Variants in FERMT2 observed in about 807,000 individuals in gnomAD.
FERMT2 encodes the protein FERM domain containing kindlin 2.
A neutral mutation model predicts 82.7 loss-of-function variants in FERMT2; 15 were observed. The ratio of observed to expected loss-of-function variants is 0.18; its 90% CI spans 0.12 to 0.28. The LOEUF is 0.28. FERMT2 is among the 10% of genes least tolerant of loss of function. The pLI is 1.00. For missense variants in FERMT2, 645 were observed against 809.4 expected, an observed-to-expected ratio of 0.80 and a Z score of 2.46; for synonymous variants, 274 against 271.5, an observed-to-expected ratio of 1.01 and a Z score of -0.09.
chr14:52,939,146 G>T (rs1289016281), intron 2 of FERMT2, among the ~76,000 whole-genome samples: 1 of 144,550 alleles, frequency 6.9e-6, no homozygotes, highest in Non-Finnish European at 1.5e-5. Context: ...CTTGAGGTTA[G>T]GAATTCAAGA....
At chr14:52,932,336 T>C (rs1889628887) in intron 2 of FERMT2, among the ~76,000 whole-genome samples, 1 of 152,202 alleles carries the variant, frequency 6.6e-6, no homozygotes, top group African/African-American at 2.4e-5. Flanking sequence ...AAAATCCTGA[T>C]GATTATCCTG....
chr14:52,906,639 C>T (rs865863583), intron 3 of FERMT2, among the ~76,000 whole-genome samples: 7 of 151,486 alleles, frequency 4.6e-5, no homozygotes, highest in Non-Finnish European at 7.4e-5. Context: ...GAGGAAAACA[C>T]ACATAATAGA....
chr14:52,902,251 G>C (rs969085721), intron 3 of FERMT2, among the ~76,000 whole-genome samples: 2 of 151,624 alleles, frequency 1.3e-5, no homozygotes, highest in African/African-American at 2.4e-5. Flanking sequence ...AAATTAGCTG[G>C]GCATGATGGC....
chr14:52,908,145 T>C (rs909227448), intron 3 of FERMT2, among the ~76,000 whole-genome samples: 4 of 152,172 alleles, frequency 2.6e-5, no homozygotes, highest in Admixed American at 2.6e-4. Flanking sequence ...CACAAGGAGA[T>C]AGGCTCTCAC....
At chr14:52,928,790 G>A (rs1052731173) in intron 2 of FERMT2, among the ~76,000 whole-genome samples, 3 of 151,966 alleles carry the variant, frequency 2.0e-5, no homozygotes, top group Non-Finnish European at 4.4e-5. Context: ...TCACCTTCAC[G>A]CCAACCCATC....
intron 4 of FERMT2, among the ~76,000 whole-genome samples, chr14:52,882,019 G>A (rs556438055): frequency 1.5e-4 from 23 of 152,130 alleles, no homozygotes; most frequent in African/African-American, 5.3e-4. Context: ...TAAGTAAAAC[G>A]GTTTTTTTTG....
At position 52,916,743 on chromosome 14, in the gene FERMT2, G is replaced by A. The variant is rs147556743; in HGVS notation, c.391+2380C>T. Among the ~76,000 whole-genome samples the A allele has an allele frequency of 3.1e-4, 47 of 152,280 alleles. No individual in the cohort carries two copies. The East Asian group carries it at 6.2e-3, about 20-fold the overall frequency. The stretch of plus-strand genomic sequence containing the variant: ...CAGTTACAATAAATGTACCATTCTG[G>A]TACAGACTTTGAGAGTAGGGAAGGT... On this transcript the variant is annotated intron_variant, in intron 3 of 14. Transcript: ENST00000341590.
intron 3 of FERMT2, among the ~76,000 whole-genome samples, chr14:52,908,272 A>C (rs1418407296): frequency 6.6e-6 from 1 of 152,212 alleles, no homozygotes; most frequent in Admixed American, 6.5e-5. Flanking sequence ...GAATTTGACT[A>C]TTTATTACAA....
At chr14:52,943,202 C>CT (rs1195625995) in intron 2 of FERMT2, among the ~76,000 whole-genome samples, 1 of 126,094 alleles carries the variant, frequency 7.9e-6, no homozygotes, top group Non-Finnish European at 1.6e-5. Context: ...GAGCAAAACT[C>CT]TGTCTCAAAA....
At chr14:52,864,653 G>A (rs1468925993) in intron 11 of FERMT2, 31 bp from the exon 12 acceptor site, 7 of 1,587,902 alleles carry the variant, frequency 4.4e-6, no homozygotes, top group Non-Finnish European at 5.2e-6. Flanking sequence ...TGTGTGCAAT[G>A]TATCACGAGG....
In FERMT2 at chr14:52,919,227, T is replaced by C; in HGVS notation, c.287A>G (p.His96Arg). The C allele has an allele frequency of 6.2e-7, 1 of 1,614,132 alleles. No homozygotes were observed. The highest frequency in any genetic ancestry group is 1.1e-5 in the South Asian group (1 of 91,078). Reference sequence around the variant, plus strand: ...GGGAAGCTGCAGGCGGAGCAGTTTGTGCTGAGGGGTGAACTGAAGCTTAGC... The same window carrying C: ...GGGAAGCTGCAGGCGGAGCAGTTTGCGCTGAGGGGTGAACTGAAGCTTAGC... ...ADAKLQFTPQ[H>R]KLLRLQLPNM... The change falls in exon 3 of 15, where the codon CAC (histidine) becomes CGC (arginine). Residue 96 changes from histidine (H) to arginine (R), a missense_variant. Transcript: ENST00000341590.
At chr14:52,904,608 G>A (rs959390725) in intron 3 of FERMT2, among the ~76,000 whole-genome samples, 1 of 151,688 alleles carries the variant, frequency 6.6e-6, no homozygotes, top group Non-Finnish European at 1.5e-5. Context: ...CATGAGAATC[G>A]CCTGAACCTG....
At chr14:52,890,698 G>T (rs1886890652) in intron 4 of FERMT2, among the ~76,000 whole-genome samples, 1 of 150,524 alleles carries the variant, frequency 6.6e-6, no homozygotes. Context: ...CCGCCTCCCA[G>T]GTTCAAGCGA....
intron 3 of FERMT2, among the ~76,000 whole-genome samples, chr14:52,914,217 A>C (rs1888489486): frequency 6.6e-6 from 1 of 151,810 alleles, no homozygotes; most frequent in African/African-American, 2.4e-5. Flanking sequence ...AAAATATATA[A>C]AAATTAGCCA....
At chr14:52,915,903 T>G (rs1888588258) in intron 3 of FERMT2, among the ~76,000 whole-genome samples, 1 of 152,170 alleles carries the variant, frequency 6.6e-6, no homozygotes, top group Non-Finnish European at 1.5e-5. Flanking sequence ...AAAAGAAGAA[T>G]GGACGAACAG....
chr14:52,884,766 C>T (rs1417819516), intron 4 of FERMT2, among the ~76,000 whole-genome samples: 1 of 151,712 alleles, frequency 6.6e-6, no homozygotes, highest in Non-Finnish European at 1.5e-5. Flanking sequence ...TTTGGGAGGC[C>T]GAGGCAGGCA....
At chr14:52,881,723 G>A (rs1241142198) in intron 4 of FERMT2, 1 of 1,294,304 alleles carries the variant, frequency 7.7e-7, no homozygotes, top group African/African-American at 1.5e-5. Flanking sequence ...CAGTTCAAGA[G>A]AATTAGAAAA....
chr14:52,931,273 C>A (rs1889553833), intron 2 of FERMT2, among the ~76,000 whole-genome samples: 1 of 152,080 alleles, frequency 6.6e-6, no homozygotes, highest in Non-Finnish European at 1.5e-5. Context: ...TATAAAAGAA[C>A]AAAATGTCAC....
At chr14:52,921,043 A>G (rs1888929931) in intron 2 of FERMT2, among the ~76,000 whole-genome samples, 1 of 152,252 alleles carries the variant, frequency 6.6e-6, no homozygotes, top group Admixed American at 6.5e-5. Flanking sequence ...ACCTTTAAAA[A>G]GAGTTTATCA....
Sources: gnomAD v4.1 joint callset for allele counts (sites outside exome capture counted in the v4.1 genomes callset) on GRCh38, gnomAD v4.1.1 for gene constraint, MANE v1.5 for transcripts, NCBI Gene and HGNC (gene_info 2026-07-23, HGNC 2026-07-21) for gene names.